The following RTN4RL1 variants were observed in gnomAD, a reference collection of about 807,000 sequenced individuals.
The protein encoded by RTN4RL1 is reticulon-4 receptor-like 1.
In RTN4RL1, 7 loss-of-function variants were observed where a neutral mutation model predicts 25.6. The ratio of observed to expected loss-of-function variants is 0.27; its 90% CI spans 0.16 to 0.51. The LOEUF (loss-of-function observed/expected upper bound fraction) is 0.51. Ranked by LOEUF, RTN4RL1 falls within the 20% of genes least tolerant of loss-of-function variation. The pLI is 0.97. For synonymous variants in RTN4RL1, 297 were observed against 288.2 expected (o/e 1.03, Z -0.31); for missense variants, 500 against 615.6 (o/e 0.81, Z 1.99).
intron 1 of RTN4RL1, among the ~76,000 whole-genome samples, chr17:1,975,409 G>A (rs1312586919): frequency 6.6e-6 from 1 of 152,166 alleles, no homozygotes; most frequent in Non-Finnish European, 1.5e-5. Context: ...CCAGCATTTT[G>A]AGAGACCGAG....
In RTN4RL1 at chr17:2,024,920, T is replaced by A; in HGVS notation, c.-55A>T. The stretch of plus-strand genomic sequence containing the variant: ...GGCCTAGGCGCACTCCCTCCCGGGG[T>A]CCAGATTCAAATCCCTGGGCGCCAG... On this transcript the variant is annotated 5_prime_UTR_variant, in exon 1 of 2. Coordinates refer to ENST00000331238, the MANE Select transcript of RTN4RL1 (RefSeq NM_178568.4). The A allele has an allele frequency of 6.5e-7, 1 of 1,541,988 alleles. No individual in the cohort carries two copies. Among genetic ancestry groups the A allele is most frequent in the Non-Finnish European group, 8.8e-7 (1 of 1,141,532 alleles).
At chr17:1,986,173 T>C (rs2066886591) in intron 1 of RTN4RL1, among the ~76,000 whole-genome samples, 1 of 152,164 alleles carries the variant, frequency 6.6e-6, no homozygotes. Context: ...CACAGAGTCA[T>C]AATAACAATT....
At chr17:1,997,904 G>A (rs566762993) in intron 1 of RTN4RL1, among the ~76,000 whole-genome samples, 2 of 152,236 alleles carry the variant, frequency 1.3e-5, no homozygotes, top group African/African-American at 2.4e-5. Context: ...AGGGCAGGCC[G>A]GCAGGGGCCG....
Position 1,936,027 on chromosome 17 carries a change from C to A in RTN4RL1, c.*469G>T. ...GCCTCAGGCAAGAGCCAAGATGCCA[C>A]CTGCTCGTGTGTGCCCAGACTGCTG... On this transcript the variant is annotated 3_prime_UTR_variant, in exon 2 of 2. Transcript: ENST00000331238. 1.0e-6 allele frequency: 1 copy of A among 989,478 alleles called. No individual in the cohort carries two copies. Among genetic ancestry groups the A allele is most frequent in the Non-Finnish European group, 1.2e-6 (1 of 832,434 alleles). The allele number at this position is 989,478 out of a possible 1,614,324, so 61.3% of individuals were successfully genotyped here. A position where few individuals can be genotyped will look rare whatever the true frequency, so the allele number is the denominator to read the frequency against.
intron 1 of RTN4RL1, among the ~76,000 whole-genome samples, chr17:1,945,646 C>T (rs1212505709): frequency 1.3e-5 from 2 of 152,238 alleles, no homozygotes; most frequent in Admixed American, 6.5e-5. Context: ...CCACCACGCC[C>T]GGCCGCCCTG....
At chr17:2,021,534 T>G (rs549454492) in intron 1 of RTN4RL1, among the ~76,000 whole-genome samples, 10 of 151,088 alleles carry the variant, frequency 6.6e-5, no homozygotes, top group African/African-American at 2.4e-4. Context: ...CAAGAACTAT[T>G]TAAACACATC....
intron 1 of RTN4RL1, among the ~76,000 whole-genome samples, chr17:1,972,603 T>C (rs1200034910): frequency 6.6e-6 from 1 of 152,148 alleles, no homozygotes; most frequent in East Asian, 1.9e-4. Context: ...TCCCTGGAGA[T>C]TTCCTCGACC....
At chr17:2,007,985 G>C (rs184723888) in intron 1 of RTN4RL1, among the ~76,000 whole-genome samples, 9 of 147,308 alleles carry the variant, frequency 6.1e-5, no homozygotes, top group Non-Finnish European at 1.3e-4. Context: ...AAAAAGCTGA[G>C]GCTTAGGCCA....
In RTN4RL1 at chr17:1,934,687, A is replaced by G. The variant is rs1915257434; in HGVS notation, c.*1809T>C. The G allele has an allele frequency of 6.6e-6, 1 of 152,586 alleles. No individual in the cohort carries two copies. Among genetic ancestry groups the G allele is most frequent in the Admixed American group, 6.5e-5 (1 of 15,286 alleles). 9.5% of individuals were successfully genotyped at this position (152,586 alleles called of 1,614,324 possible). On this transcript the variant is annotated 3_prime_UTR_variant, in exon 2 of 2. Coordinates refer to ENST00000331238, the MANE Select transcript of RTN4RL1 (RefSeq NM_178568.4). This position sits in a 1 kb window ranked among gnomAD's most constrained non-coding sequence, Gnocchi z 4.0. ...AAATGAAAAACAGGGTTCTTGTCCA[A>G]GATCATTTATTGTTATTATTATTTT...
intron 1 of RTN4RL1, among the ~76,000 whole-genome samples, chr17:1,992,780 T>A (rs2066914910): frequency 1.3e-5 from 2 of 152,246 alleles, no homozygotes; most frequent in African/African-American, 4.8e-5. Context: ...CAGTACCTAA[T>A]AAACACCATA....
chr17:1,937,892 C>A (rs1915346237), intron 1 of RTN4RL1, 84 bp from the exon 2 acceptor site: 1 of 1,106,808 alleles, frequency 9.0e-7, no homozygotes, highest in East Asian at 2.5e-5. Context: ...GCCGAGGACG[C>A]ATCCTCGTCT....
At chr17:1,957,927 AAC>A (rs949064464) in intron 1 of RTN4RL1, among the ~76,000 whole-genome samples, 7 of 152,006 alleles carry the variant, frequency 4.6e-5, no homozygotes, top group African/African-American at 1.7e-4. Context: ...CTGTAATCCC[AAC>A]ACTTTGGGAG....
chr17:1,988,614 C>G (rs2066897332), intron 1 of RTN4RL1, among the ~76,000 whole-genome samples: 1 of 152,070 alleles, frequency 6.6e-6, no homozygotes, highest in Admixed American at 6.5e-5. Context: ...TCCCTAGCAC[C>G]CAGGAGTGTG....
intron 1 of RTN4RL1, among the ~76,000 whole-genome samples, chr17:1,951,748 C>T (rs919166420): frequency 5.9e-5 from 9 of 151,884 alleles, no homozygotes; most frequent in Admixed American, 2.6e-4. Context: ...CCACCGCGCC[C>T]GGCCCGAAGC....
chr17:1,941,757 A>G lies in RTN4RL1; in HGVS notation c.14-3949T>C, dbSNP rs1222673507. 2.0e-5 allele frequency among the ~76,000 whole-genome samples: 3 copies of G among 152,180 alleles called. No individual in the cohort carries two copies. The East Asian group carries it at 5.8e-4, about 30-fold the overall frequency. The stretch of plus-strand genomic sequence containing the variant: ...TCTGCTGAGTGCTTCTGCACGCTGG[A>G]AGTTGGTCCCATCTCCAAGACCTGG... On this transcript the variant is annotated intron_variant, in intron 1 of 1. Transcript: ENST00000331238.
chr17:1,936,172 C>T lies in RTN4RL1; in HGVS notation c.*324G>A, dbSNP rs1020702749. ...GGATTCCACAGAGCCCCGGTGCCGC[C>T]GTCGGGGGCAATTGTCCCACTGTTG... On this transcript the variant is annotated 3_prime_UTR_variant, in exon 2 of 2. Coordinates refer to ENST00000331238, the MANE Select transcript of RTN4RL1 (RefSeq NM_178568.4). The T allele has an allele frequency of 1.2e-4, 143 of 1,149,642 alleles. No homozygotes were observed. Among genetic ancestry groups the T allele is most frequent in the Non-Finnish European group, 1.5e-4 (136 of 933,420 alleles). 71.2% of individuals were successfully genotyped at this position (1,149,642 alleles called of 1,614,324 possible). A position where few individuals can be genotyped will look rare whatever the true frequency, so the allele number is the denominator to read the frequency against.
In RTN4RL1 at chr17:2,024,926, T is replaced by C; in HGVS notation, c.-61A>G. 2 of 1,524,696 alleles carry C rather than the reference T, an allele frequency of 1.3e-6. No individual in the cohort carries two copies. The highest frequency in any genetic ancestry group is 1.8e-6 in the Non-Finnish European group (2 of 1,128,664). The allele number at this position is 1,524,696 out of a possible 1,614,324, so 94.4% of individuals were successfully genotyped here. ...GGCGCACTCCCTCCCGGGGTCCAGA[T>C]TCAAATCCCTGGGCGCCAGCTGCAG... On this transcript the variant is annotated 5_prime_UTR_variant, in exon 1 of 2. Coordinates refer to ENST00000331238, the MANE Select transcript of RTN4RL1 (RefSeq NM_178568.4).
intron 1 of RTN4RL1, among the ~76,000 whole-genome samples, chr17:1,972,330 A>G (rs2066823961): frequency 4.9e-5 from 1 of 20,356 alleles, no homozygotes; most frequent in African/African-American, 1.8e-4. Context: ...AAATAAATAA[A>G]AATTTAAAAA....
intron 1 of RTN4RL1, among the ~76,000 whole-genome samples, chr17:2,021,503 A>G (rs2151331808): frequency 6.6e-6 from 1 of 151,350 alleles, no homozygotes; most frequent in East Asian, 1.9e-4. Context: ...AGGGCTCTGC[A>G]TATTATAGGC....
Sources: allele counts gnomAD v4.1 joint callset (sites outside exome capture counted in the v4.1 genomes callset), GRCh38; gene constraint gnomAD v4.1.1; non-coding constraint Gnocchi (gnomAD v3.1); transcripts MANE v1.5; gene names NCBI Gene and HGNC (gene_info 2026-07-23, HGNC 2026-07-21).